DTWD2: variants seen among roughly 807,000 people sequenced by gnomAD.
DTWD2 encodes DTW motif tRNA-uridine aminocarboxypropyltransferase 2.
DTWD2 carries 39 observed loss-of-function variants against 31.8 expected under a neutral mutation model. The ratio of observed to expected loss-of-function variants is 1.22; its 90% confidence interval spans 0.95 to 1.60. DTWD2 has a LOEUF of 1.60. DTWD2 is among the 40% of genes most tolerant of loss of function. DTWD2 has a pLI of 0.00. For synonymous variants in DTWD2, 180 were observed against 142.8 expected (o/e 1.26, Z -1.86); for missense variants, 515 against 381.5 (o/e 1.35, Z -2.92).
At chr5:118,900,705 T>C (rs904713563) in intron 4 of DTWD2, among the ~76,000 whole-genome samples, 7 of 152,006 alleles carry the variant, frequency 4.6e-5, no homozygotes, top group Admixed American at 2.0e-4. Flanking sequence ...GACGGGCAGA[T>C]CACAAGGTCA....
chr5:118,895,283 C>T (rs137985470), intron 4 of DTWD2, among the ~76,000 whole-genome samples: 6 of 151,962 alleles, frequency 3.9e-5, no homozygotes, highest in Non-Finnish European at 8.8e-5. Flanking sequence ...AAAAAAACAC[C>T]GATGAATACA....
At chr5:118,915,374 ATTTT>A (rs199654152) in intron 4 of DTWD2, among the ~76,000 whole-genome samples, 1 of 138,214 alleles carries the variant, frequency 7.2e-6, no homozygotes, top group Non-Finnish European at 1.6e-5. Context: ...TAATCTTTGA[ATTTT>A]TTTTTTTTTT....
intron 1 of DTWD2, among the ~76,000 whole-genome samples, chr5:118,976,649 G>A (rs543708435): frequency 3.6e-4 from 55 of 152,234 alleles, no homozygotes; most frequent in South Asian, 1.0e-3. Context: ...GGAAGAAGTC[G>A]AATCCCTGAA....
intron 4 of DTWD2, among the ~76,000 whole-genome samples, chr5:118,849,415 T>G (rs992792003): frequency 6.6e-6 from 1 of 152,212 alleles, no homozygotes; most frequent in Admixed American, 6.5e-5. Flanking sequence ...GGAACACTTT[T>G]ACACTGTTGG....
Position 118,859,173 on chromosome 5 carries a change from G to A in DTWD2, c.598-10955C>T, listed in dbSNP as rs140566870. On this transcript the variant is annotated intron_variant, in intron 4 of 5. Transcript: ENST00000510708. ...CATGACTATAATTTTTCTAAGTCTA[G>A]ATTTCCTCGGTATCTAGCTGGAATT... Among the ~76,000 whole-genome samples the A allele has an allele frequency of 5.5e-3, 824 of 148,892 alleles. 1 individual carries two copies. The highest frequency in any genetic ancestry group is 0.01 in the Middle Eastern group (3 of 286).
rs1755492243 is a variant in DTWD2 at position 118,988,533 on chromosome 5, GTGGCAT to G, written c.-28_-23del. The G allele has an allele frequency of 1.3e-6, 2 of 1,501,664 alleles. No homozygotes were observed. The highest frequency in any genetic ancestry group is 1.8e-6 in the Non-Finnish European group (2 of 1,128,106). The allele number at this position is 1,501,664 out of a possible 1,614,324, so 93.0% of individuals were successfully genotyped here. A position where few individuals can be genotyped will look rare whatever the true frequency, so the allele number is the denominator to read the frequency against. On this transcript the variant is annotated 5_prime_UTR_variant, in exon 1 of 6. An upstream start codon of the reference 5' UTR is lost. Coordinates refer to ENST00000510708, the MANE Select transcript of DTWD2 (RefSeq NM_173666.4). ...CCATGGCGGACACTCCGGTCAGGCC[GTGGCAT>G]TGAAGCCCGGCTGCCGCCGGGGGGC...
At chr5:118,925,681 T>C (rs1753793543) in intron 4 of DTWD2, among the ~76,000 whole-genome samples, 1 of 151,680 alleles carries the variant, frequency 6.6e-6, no homozygotes, top group African/African-American at 2.4e-5. Context: ...CTGTCTCTAC[T>C]AAAAATACAA....
At chr5:118,918,976 C>T (rs1459277069) in intron 4 of DTWD2, among the ~76,000 whole-genome samples, 1 of 152,206 alleles carries the variant, frequency 6.6e-6, no homozygotes, top group African/African-American at 2.4e-5. Context: ...CTTCCTGTCA[C>T]TTGCCAAAGT....
intron 1 of DTWD2, among the ~76,000 whole-genome samples, chr5:118,983,654 T>C (rs377003301): frequency 7.9e-5 from 12 of 152,294 alleles, no homozygotes; most frequent in South Asian, 4.1e-4. Context: ...TGTTACTAAC[T>C]TAAAAAGTCT....
At chr5:118,876,064 T>C (rs1752615343) in intron 4 of DTWD2, among the ~76,000 whole-genome samples, 1 of 152,038 alleles carries the variant, frequency 6.6e-6, no homozygotes, top group Non-Finnish European at 1.5e-5. Flanking sequence ...CTCTAAACCA[T>C]ACAATTACAT....
chr5:118,870,518 A>C (rs1392852191), intron 4 of DTWD2, among the ~76,000 whole-genome samples: 1 of 152,240 alleles, frequency 6.6e-6, no homozygotes, highest in Non-Finnish European at 1.5e-5. Flanking sequence ...AGCACATATA[A>C]AAGTTTTGCA....
At chr5:118,926,883 T>A (rs1753821163) in intron 4 of DTWD2, among the ~76,000 whole-genome samples, 2 of 152,146 alleles carry the variant, frequency 1.3e-5, no homozygotes. Context: ...CTCAGAAATC[T>A]TAATAAAGAA....
chr5:118,915,775 G>C (rs760402982), intron 4 of DTWD2, among the ~76,000 whole-genome samples: 1 of 152,218 alleles, frequency 6.6e-6, no homozygotes, highest in African/African-American at 2.4e-5. Flanking sequence ...CTAGGTGTGT[G>C]AGTAAAAGAG....
chr5:118,862,969 A>G (rs761050503), intron 4 of DTWD2, among the ~76,000 whole-genome samples: 4 of 152,172 alleles, frequency 2.6e-5, no homozygotes, highest in Admixed American at 1.3e-4. Flanking sequence ...TGCTTTGGAC[A>G]TTCTCATGTG....
chr5:118,880,868 T>C (rs1204987467), intron 4 of DTWD2, among the ~76,000 whole-genome samples: 3 of 152,146 alleles, frequency 2.0e-5, no homozygotes, highest in Admixed American at 6.5e-5. Context: ...CTTTAACAAT[T>C]AAAACAAATA....
At chr5:118,948,703 G>A (rs946762731) in intron 1 of DTWD2, among the ~76,000 whole-genome samples, 2 of 152,166 alleles carry the variant, frequency 1.3e-5, no homozygotes, top group Admixed American at 6.5e-5. Flanking sequence ...AATTCTGACC[G>A]CACAGCCCTG....
At chr5:118,853,556 T>C (rs570277291) in intron 4 of DTWD2, among the ~76,000 whole-genome samples, 2 of 152,256 alleles carry the variant, frequency 1.3e-5, no homozygotes, top group African/African-American at 4.8e-5. Flanking sequence ...CATTATGGAA[T>C]ACTACACAGC....
chr5:118,920,507 G>C (rs1753678379), intron 4 of DTWD2, among the ~76,000 whole-genome samples: 1 of 152,044 alleles, frequency 6.6e-6, no homozygotes, highest in African/African-American at 2.4e-5. Context: ...TTTAAACACA[G>C]TTCATTTTGT....
At chr5:118,856,997 G>A (rs994230371) in intron 4 of DTWD2, among the ~76,000 whole-genome samples, 11 of 151,478 alleles carry the variant, frequency 7.3e-5, no homozygotes, top group East Asian at 1.9e-4. Flanking sequence ...GGCTGGTCTC[G>A]AACACCTGAC....
Sources: gnomAD v4.1 joint callset for allele counts (sites outside exome capture counted in the v4.1 genomes callset) on GRCh38, gnomAD v4.1.1 for gene constraint, MANE v1.5 for transcripts, NCBI Gene and HGNC (gene_info 2026-07-23, HGNC 2026-07-21) for gene names.